The following H3-3A variants were observed in gnomAD, a reference collection of about 807,000 sequenced individuals.
The protein encoded by H3-3A is histone H3.3.
For synonymous variants in H3-3A, 49 were observed against 61.4 expected, an observed-to-expected ratio of 0.80 and a Z score of 0.95; for missense variants, 7 against 184.0, an observed-to-expected ratio of 0.04 and a Z score of 5.57.
chr1:226,065,548 T>C, intron 2 of H3-3A, 108 bp from the exon 3 acceptor site: 1 of 707,366 alleles, frequency 1.4e-6, no homozygotes, highest in Non-Finnish European at 2.3e-6. Context: ...TGAAGAATTG[T>C]TGGGTGGCTT....
chr1:226,063,213 G>A (rs1445946278), intron 1 of H3-3A, among the ~76,000 whole-genome samples: 2 of 151,742 alleles, frequency 1.3e-5, no homozygotes, highest in Non-Finnish European at 2.9e-5. Flanking sequence ...GGAAATCGCC[G>A]CCGCTTCGCA....
chr1:226,069,222 T>C (rs1658019559), intron 3 of H3-3A, among the ~76,000 whole-genome samples: 1 of 152,076 alleles, frequency 6.6e-6, no homozygotes, highest in Non-Finnish European at 1.5e-5. Flanking sequence ...ACTTTTTGTA[T>C]TTTTAGTAGA....
At chr1:226,070,207 T>TG (rs1245876194) in intron 3 of H3-3A, among the ~76,000 whole-genome samples, 13 of 151,884 alleles carry the variant, frequency 8.6e-5, no homozygotes, top group African/African-American at 2.9e-4. Context: ...CCAGGCCAGT[T>TG]GCGGTGGCTC....
At chr1:226,069,635 C>A (rs1381229348) in intron 3 of H3-3A, among the ~76,000 whole-genome samples, 1 of 152,120 alleles carries the variant, frequency 6.6e-6, no homozygotes, top group African/African-American at 2.4e-5. Flanking sequence ...AGTTCAAGAC[C>A]AGCCTGGCCA....
At chr1:226,062,263 C>A (rs534720133), upstream of H3-3A, among the ~76,000 whole-genome samples, 144 of 150,094 alleles carry the variant, frequency 9.6e-4, 2 homozygotes, top group South Asian at 0.029. Flanking sequence ...CCCTCCCTCC[C>A]CTCCCCGCCG....
At chr1:226,067,206 T>C (rs905439325) in intron 3 of H3-3A, 1 of 152,184 alleles carries the variant, frequency 6.6e-6, no homozygotes, top group Non-Finnish European at 1.5e-5. Flanking sequence ...TTAAATTGAA[T>C]TTACTAAACA....
intron 3 of H3-3A, 149 bp from the exon 4 acceptor site, chr1:226,071,202 G>T (rs1445443660): frequency 8.2e-6 from 5 of 611,674 alleles, no homozygotes; most frequent in African/African-American, 1.9e-5. Context: ...CCCACAGGTT[G>T]TAAAATGTAA....
chr1:226,070,275 A>G (rs899136810), intron 3 of H3-3A, among the ~76,000 whole-genome samples: 4 of 145,620 alleles, frequency 2.7e-5, no homozygotes, highest in Non-Finnish European at 6.1e-5. Context: ...AGGTCAGGAG[A>G]TCGAGACCAT....
intron 3 of H3-3A, among the ~76,000 whole-genome samples, chr1:226,068,984 T>A (rs1454146294): frequency 6.6e-6 from 1 of 151,708 alleles, no homozygotes; most frequent in Non-Finnish European, 1.5e-5. Flanking sequence ...TCAATTTGAA[T>A]GAAGGAAACT....
At chr1:226,070,034 C>T (rs1658054299) in intron 3 of H3-3A, among the ~76,000 whole-genome samples, 1 of 152,114 alleles carries the variant, frequency 6.6e-6, no homozygotes, top group Admixed American at 6.5e-5. Flanking sequence ...AATAAGATAA[C>T]TTGAAAGGAT....
intron 3 of H3-3A, among the ~76,000 whole-genome samples, chr1:226,068,766 T>TA (rs1658003753): frequency 6.6e-6 from 1 of 152,158 alleles, no homozygotes; most frequent in Non-Finnish European, 1.5e-5. Flanking sequence ...TCAAGTAACT[T>TA]AAGGGCACCA....
chr1:226,071,720 A>C lies in H3-3A; in HGVS notation c.*241A>C. 1 of 253,810 alleles carries C rather than the reference A, an allele frequency of 3.9e-6. No homozygotes were observed. The highest frequency in any genetic ancestry group is 7.1e-6 in the Non-Finnish European group (1 of 141,162). The allele number at this position is 253,810 out of a possible 1,614,324, so 15.7% of individuals were successfully genotyped here. A position where few individuals can be genotyped will look rare whatever the true frequency, so the allele number is the denominator to read the frequency against. On this transcript the variant is annotated 3_prime_UTR_variant, in exon 4 of 4. Transcript: ENST00000366815. Reference sequence around the variant, plus strand: ...AGACGTAAAGCATTAATGCAAGTTAAAATGTTTCAGTGAACAAGTTTCAGC... The same window carrying C: ...AGACGTAAAGCATTAATGCAAGTTACAATGTTTCAGTGAACAAGTTTCAGC...
chr1:226,065,437 C>A (rs1320712627), intron 2 of H3-3A, among the ~76,000 whole-genome samples: 1 of 152,112 alleles, frequency 6.6e-6, no homozygotes, highest in Non-Finnish European at 1.5e-5. Context: ...GAATTTCTTG[C>A]TAAGAATGCA....
At chr1:226,067,787 T>C (rs1318608494) in intron 3 of H3-3A, among the ~76,000 whole-genome samples, 1 of 151,348 alleles carries the variant, frequency 6.6e-6, no homozygotes, top group African/African-American at 2.4e-5. Flanking sequence ...GTTAATGGAA[T>C]AGGATAATAG....
Position 226,071,413 on chromosome 1 carries a change from C to T in H3-3A, c.345C>T (p.Ala115=), listed in dbSNP as rs201081886. The T allele has an allele frequency of 1.0e-4, 139 of 1,344,364 alleles. 1 individual carries two copies. In the East Asian group the frequency reaches 3.1e-3, roughly 30 times the overall value. The allele number at this position is 1,344,364 out of a possible 1,614,324, so 83.3% of individuals were successfully genotyped here. A position where few individuals can be genotyped will look rare whatever the true frequency, so the allele number is the denominator to read the frequency against. Residue 115 remains alanine (A), a synonymous_variant, in exon 4 of 4, where the codon GCC becomes GCT. Coordinates refer to ENST00000366815, the MANE Select transcript of H3-3A (RefSeq NM_002107.7). ...ACACCAACCTGTGTGCTATCCATGC[C>T]AAACGTGTAACAATTATGCCAAAAG... ...FEDTNLCAIH[A]KRVTIMPKDI... is the part of the protein sequence containing the mutation.
At chr1:226,062,700 C>A, upstream of H3-3A, 1 of 155,606 alleles carries the variant, frequency 6.4e-6, no homozygotes. Flanking sequence ...TGGGGGATAG[C>A]CTCGGTGTCA....
intron 3 of H3-3A, chr1:226,066,192 A>G (rs1558101769): frequency 3.4e-6 from 1 of 290,784 alleles, no homozygotes; most frequent in Non-Finnish European, 6.4e-6. Flanking sequence ...TGCCTAGAAT[A>G]AAAGAAATGT....
At chr1:226,068,951 G>A (rs781608537) in intron 3 of H3-3A, among the ~76,000 whole-genome samples, 1 of 152,108 alleles carries the variant, frequency 6.6e-6, no homozygotes, top group Non-Finnish European at 1.5e-5. Context: ...AACAAATGCT[G>A]GAGAAACACA....
chr1:226,064,594 A>C (rs941682806), intron 2 of H3-3A, 115 bp downstream of exon 2: 2 of 691,252 alleles, frequency 2.9e-6, no homozygotes, highest in Admixed American at 5.9e-5. Context: ...TTTTTTTTTC[A>C]TTTGAACACT....
Sources: gnomAD v4.1 joint callset for allele counts (sites outside exome capture counted in the v4.1 genomes callset) on GRCh38, gnomAD v4.1.1 for gene constraint, MANE v1.5 for transcripts, NCBI Gene and HGNC (gene_info 2026-07-23, HGNC 2026-07-21) for gene names.